Variants in ADPRH observed in about 807,000 individuals in gnomAD.
The protein encoded by ADPRH is ADP-ribose-L-arginine cleaving enzyme.
A neutral mutation model predicts 28.8 loss-of-function variants in ADPRH; 27 were observed. That is an observed-to-expected ratio of 0.94 (90% CI 0.69 to 1.29). ADPRH has a LOEUF of 1.29. ADPRH is among the 50% of genes most tolerant of loss of function. The probability of loss-of-function intolerance (pLI) is 0.00; values close to 1 mark genes in which losing one functional copy is unlikely to be tolerated. For synonymous variants in ADPRH, 161 were observed against 166.9 expected, an observed-to-expected ratio of 0.96 and a Z score of 0.27; for missense variants, 419 against 444.8, an observed-to-expected ratio of 0.94 and a Z score of 0.52.
intron 3 of ADPRH, 36 bp from the exon 4 acceptor site, chr3:119,586,249 A>T (rs1262208965): frequency 6.2e-7 from 1 of 1,608,132 alleles, no homozygotes; most frequent in South Asian, 1.1e-5. Context: ...TGCTTTGGTT[A>T]TGCTAACCCC....
At position 119,589,275 on chromosome 3, in the gene ADPRH, A is replaced by G. The variant is rs2082493649; in HGVS notation, c.*1397A>G. On this transcript the variant is annotated 3_prime_UTR_variant, in exon 5 of 5. Coordinates refer to ENST00000357003, the MANE Select transcript of ADPRH (RefSeq NM_001125.4). ...AGCACATGTCCACCTGGGAAATGAG[A>G]TGCCATCGTCACATTCATTTGGTCA... 6.6e-6 allele frequency: 1 copy of G among 152,322 alleles called. No individual in the cohort carries two copies. The highest frequency in any genetic ancestry group is 1.5e-5 in the Non-Finnish European group (1 of 68,138). The allele number at this position is 152,322 out of a possible 1,614,324, so 9.4% of individuals were successfully genotyped here. A position where few individuals can be genotyped will look rare whatever the true frequency, so the allele number is the denominator to read the frequency against.
Position 119,588,106 on chromosome 3 carries a change from G to A in ADPRH, c.*228G>A. On this transcript the variant is annotated 3_prime_UTR_variant, in exon 5 of 5. Transcript: ENST00000357003. The stretch of plus-strand genomic sequence containing the variant: ...TCCTTTAGCTCAATTGATAGGGTCA[G>A]CGTCTCGCAAGCAAAAAATCTCATG... 2.6e-6 allele frequency: 1 copy of A among 385,886 alleles called. No homozygotes were observed. 23.9% of individuals were successfully genotyped at this position (385,886 alleles called of 1,614,324 possible). A position where few individuals can be genotyped will look rare whatever the true frequency, so the allele number is the denominator to read the frequency against.
chr3:119,589,818 G>A lies in ADPRH; in HGVS notation c.*1940G>A, dbSNP rs1182685610. The stretch of plus-strand genomic sequence containing the variant: ...TCAGCTGGTGACTTTGCTTCTTTAT[G>A]TGTGTGTATGTGTGTCAGAGAAAGA... On this transcript the variant is annotated 3_prime_UTR_variant, in exon 5 of 5. Transcript: ENST00000357003. 6.6e-6 allele frequency: 1 copy of A among 151,680 alleles called. No individual in the cohort carries two copies. Among genetic ancestry groups the A allele is most frequent in the African/African-American group, 2.4e-5 (1 of 41,008 alleles). 9.4% of individuals were successfully genotyped at this position (151,680 alleles called of 1,614,324 possible).
At chr3:119,582,071 G>GTGGGTT in intron 2 of ADPRH, 63 bp from the exon 3 acceptor site, 1 of 1,268,984 alleles carries the variant, frequency 7.9e-7, no homozygotes, top group East Asian at 2.3e-5. Flanking sequence ...AGCTAGAGTC[G>GTGGGTT]TTGTTTTTTC....
At position 119,589,316 on chromosome 3, in the gene ADPRH, G is replaced by A. The variant is rs1383990915; in HGVS notation, c.*1438G>A. On this transcript the variant is annotated 3_prime_UTR_variant, in exon 5 of 5. Transcript: ENST00000357003. ...CATTTGGTCACCCTCAGTCCAGCCA[G>A]TGGGCTTGCTCTCATTTGGCCTGTT... is the stretch of plus-strand genomic sequence containing the variant. 1 of 152,328 alleles carries A rather than the reference G, an allele frequency of 6.6e-6. No homozygotes were observed. 9.4% of individuals were successfully genotyped at this position (152,328 alleles called of 1,614,324 possible).
chr3:119,581,134 C>T (rs1222509672), intron 2 of ADPRH, among the ~76,000 whole-genome samples: 1 of 141,238 alleles, frequency 7.1e-6, no homozygotes, highest in Non-Finnish European at 1.5e-5. Context: ...GTGGCACAAT[C>T]TCGGCTCACT....
Position 119,589,279 on chromosome 3 carries a change from C to T in ADPRH, c.*1401C>T, listed in dbSNP as rs1335145139. ...CATGTCCACCTGGGAAATGAGATGC[C>T]ATCGTCACATTCATTTGGTCACCCT... is the stretch of plus-strand genomic sequence containing the variant. On this transcript the variant is annotated 3_prime_UTR_variant, in exon 5 of 5. Transcript: ENST00000357003. 1 of 152,442 alleles carries T rather than the reference C, an allele frequency of 6.6e-6. No individual in the cohort carries two copies. Among genetic ancestry groups the T allele is most frequent in the East Asian group, 1.9e-4 (1 of 5,192 alleles). The allele number at this position is 152,442 out of a possible 1,614,324, so 9.4% of individuals were successfully genotyped here.
chr3:119,583,366 G>A, intron 3 of ADPRH, among the ~76,000 whole-genome samples: 1 of 152,034 alleles, frequency 6.6e-6, no homozygotes, highest in Non-Finnish European at 1.5e-5. Context: ...AACCAATAGA[G>A]TAAATTTCAA....
At chr3:119,584,004 C>G (rs1346961303) in intron 3 of ADPRH, among the ~76,000 whole-genome samples, 2 of 151,726 alleles carry the variant, frequency 1.3e-5, no homozygotes, top group Non-Finnish European at 2.9e-5. Flanking sequence ...TTTCGAACTC[C>G]TGACCTCAGT....
intron 2 of ADPRH, 60 bp from the exon 3 acceptor site, chr3:119,582,074 G>GT (rs1222642570): frequency 1.2e-5 from 14 of 1,138,782 alleles, no homozygotes; most frequent in Non-Finnish European, 1.3e-5. Flanking sequence ...TAGAGTCGTT[G>GT]TTTTTTCTGA....
rs765645703 is a variant in ADPRH, at chr3:119,587,779, C to T, written c.975C>T (p.Pro325=). Residue 325 remains proline, a synonymous_variant, in exon 5 of 5, where the codon CCC becomes CCT. Coordinates refer to ENST00000357003, the MANE Select transcript of ADPRH (RefSeq NM_001125.4). ...GVMYGFKGVS[P]SNYEKLEYRN... is the part of the protein sequence containing the mutation. ...TGTATGGTTTTAAAGGAGTGAGTCC[C>T]TCCAACTATGAGAAACTAGAATACA... The T allele has an allele frequency of 3.7e-6, 6 of 1,614,182 alleles. No homozygotes were observed. Among genetic ancestry groups the T allele is most frequent in the South Asian group, 1.1e-5 (1 of 91,082 alleles).
intron 2 of ADPRH, among the ~76,000 whole-genome samples, chr3:119,581,064 CTTTT>C (rs71156755): frequency 1.7e-5 from 2 of 120,238 alleles, no homozygotes; most frequent in Non-Finnish European, 1.7e-5. Context: ...ACTCTAAGAA[CTTTT>C]TTTTTTTTTT....
chr3:119,584,804 C>T (rs2082442732), intron 3 of ADPRH, among the ~76,000 whole-genome samples: 1 of 152,168 alleles, frequency 6.6e-6, no homozygotes, highest in Non-Finnish European at 1.5e-5. Flanking sequence ...AAATCCAAGT[C>T]AAGATATTGA....
chr3:119,584,302 C>G (rs2082437564), intron 3 of ADPRH, among the ~76,000 whole-genome samples: 1 of 151,678 alleles, frequency 6.6e-6, no homozygotes, highest in Admixed American at 6.6e-5. Context: ...GTGGCTCATG[C>G]CTGTAATCCA....
rs777635138 is a variant in ADPRH at position 119,587,786 on chromosome 3, T to C, written c.982T>C (p.Tyr328His). The C allele has an allele frequency of 6.2e-7, 1 of 1,614,130 alleles. No individual in the cohort carries two copies. The highest frequency in any genetic ancestry group is 8.5e-7 in the Non-Finnish European group (1 of 1,180,008). The change falls in exon 5 of 5, where the codon TAT (tyrosine) becomes CAT (histidine). Residue 328 changes from tyrosine (Y) to histidine (H), a missense_variant. Physicochemically the swap from Tyr to His is moderately conservative, Grantham distance 83. Coordinates refer to ENST00000357003, the MANE Select transcript of ADPRH (RefSeq NM_001125.4). ...YGFKGVSPSN[Y>H]EKLEYRNRLE... ...TTTTAAAGGAGTGAGTCCCTCCAAC[T>C]ATGAGAAACTAGAATACAGAAACCG...
At chr3:119,583,342 G>A (rs559252450) in intron 3 of ADPRH, among the ~76,000 whole-genome samples, 8 of 151,966 alleles carry the variant, frequency 5.3e-5, no homozygotes, top group Non-Finnish European at 1.0e-4. Flanking sequence ...ACAATGTATC[G>A]TATATTTCAA....
At position 119,587,768 on chromosome 3, in the gene ADPRH, G is replaced by A; in HGVS notation, c.964G>A (p.Gly322Arg). ...CWWGVMYGFKGVSPSNYEKLE... is the reference protein window; with the variant it reads ...CWWGVMYGFKRVSPSNYEKLE... ...GTGGGGAGTTATGTATGGTTTTAAA[G>A]GAGTGAGTCCCTCCAACTATGAGAA... is the stretch of plus-strand genomic sequence containing the variant. Residue 322 changes from glycine (G) to arginine (R), a missense_variant, in exon 5 of 5, where the codon GGA (glycine) becomes AGA (arginine). Physicochemically the swap from Gly to Arg is moderately radical, Grantham distance 125. Coordinates refer to ENST00000357003, the MANE Select transcript of ADPRH (RefSeq NM_001125.4). The A allele has an allele frequency of 1.9e-6, 3 of 1,614,220 alleles. No individual in the cohort carries two copies. The highest frequency in any genetic ancestry group is 2.5e-6 in the Non-Finnish European group (3 of 1,180,040).
intron 3 of ADPRH, 45 bp downstream of exon 3, chr3:119,582,512 C>T (rs974561713): frequency 1.9e-6 from 3 of 1,561,382 alleles, no homozygotes; most frequent in Admixed American, 3.5e-5. Context: ...AAGAATAAAA[C>T]AGCCTTGAGG....
rs1029869857 is a variant in ADPRH at position 119,585,031 on chromosome 3, C to G, written c.299-1254C>G. 1.1e-4 allele frequency among the ~76,000 whole-genome samples: 16 copies of G among 152,294 alleles called. No homozygotes were observed. In the East Asian group the frequency reaches 3.1e-3, roughly 29 times the overall value. On this transcript the variant is annotated intron_variant, in intron 3 of 4. Transcript: ENST00000357003. ...CTCTTTAAAGGCCCTATCTCCAAAT[C>G]GAGGTACTTAGAGCTACAGCATTTG...
Sources: allele counts gnomAD v4.1 joint callset (sites outside exome capture counted in the v4.1 genomes callset), GRCh38; gene constraint gnomAD v4.1.1; transcripts MANE v1.5; gene names NCBI Gene and HGNC (gene_info 2026-07-23, HGNC 2026-07-21).